CNTNAP5: variants seen among roughly 807,000 people sequenced by gnomAD.
The protein encoded by CNTNAP5 is contactin-associated protein-like 5.
Under a neutral mutation model 150.2 loss-of-function variants are expected in CNTNAP5, and 72 were observed. The observed-to-expected ratio is 0.48, with a 90% CI of 0.40 to 0.58. CNTNAP5 has a LOEUF of 0.58. Among genes scored for constraint, CNTNAP5 ranks in the 20% least tolerant of loss-of-function variants. The pLI is 0.00. For synonymous variants in CNTNAP5, 672 were observed against 619.8 expected, an observed-to-expected ratio of 1.08 and a Z score of -1.25; for missense variants, 1,636 against 1,626.2, an observed-to-expected ratio of 1.01 and a Z score of -0.10.
intron 19 of CNTNAP5, among the ~76,000 whole-genome samples, chr2:124,848,031 A>C (rs1478317699): frequency 6.6e-6 from 1 of 152,206 alleles, no homozygotes; most frequent in Non-Finnish European, 1.5e-5. Context: ...AATACATTCA[A>C]GATGTACAAT....
intron 3 of CNTNAP5, among the ~76,000 whole-genome samples, chr2:124,360,938 A>C (rs1690179874): frequency 1.4e-5 from 2 of 145,426 alleles, no homozygotes; most frequent in African/African-American, 5.2e-5. Flanking sequence ...CATCACTTTC[A>C]GGTACACCAA....
intron 1 of CNTNAP5, among the ~76,000 whole-genome samples, chr2:124,062,936 A>G: frequency 6.6e-6 from 1 of 152,138 alleles, no homozygotes; most frequent in East Asian, 1.9e-4. Flanking sequence ...AGAGTATATC[A>G]CATTCATTCA....
intron 3 of CNTNAP5, among the ~76,000 whole-genome samples, chr2:124,390,167 C>G (rs140829482): frequency 6.6e-6 from 1 of 152,106 alleles, no homozygotes; most frequent in Non-Finnish European, 1.5e-5. Flanking sequence ...GGGCTAGACC[C>G]TCTCCCTGGC....
chr2:124,655,999 A>AAAGAAAGAAGGAAGGAAGG (rs1317556643), intron 13 of CNTNAP5, among the ~76,000 whole-genome samples: 37 of 90,600 alleles, frequency 4.1e-4, no homozygotes, highest in South Asian at 2.0e-3. Flanking sequence ...AAGAAAGAAA[A>AAAGAAAGAAGGAAGGAAGG]AAGGAAGGAA....
At chr2:124,913,908 A>G (rs1370590348) in intron 23 of CNTNAP5, among the ~76,000 whole-genome samples, 184 bp from the exon 24 acceptor site, 3 of 152,082 alleles carry the variant, frequency 2.0e-5, no homozygotes, top group African/African-American at 7.2e-5. Flanking sequence ...GAGGTTTTAT[A>G]GTAATTGAAG....
chr2:124,536,711 AG>A (rs1695239113), intron 10 of CNTNAP5, among the ~76,000 whole-genome samples: 2 of 152,192 alleles, frequency 1.3e-5, no homozygotes, highest in African/African-American at 4.8e-5. Context: ...CGGGCCAGGG[AG>A]GGGGCTACAG....
intron 3 of CNTNAP5, among the ~76,000 whole-genome samples, chr2:124,387,164 C>A (rs1269272911): frequency 6.6e-6 from 1 of 152,162 alleles, no homozygotes; most frequent in African/African-American, 2.4e-5. Context: ...GAGGTAAGAA[C>A]CCCTGCCTCC....
At chr2:124,218,004 C>A (rs563198291) in intron 1 of CNTNAP5, among the ~76,000 whole-genome samples, 1 of 152,284 alleles carries the variant, frequency 6.6e-6, no homozygotes, top group South Asian at 2.1e-4. Flanking sequence ...ATGCTTTCCA[C>A]TAATGCAGCC....
chr2:124,589,672 G>A (rs571565271), intron 11 of CNTNAP5, among the ~76,000 whole-genome samples: 5 of 152,236 alleles, frequency 3.3e-5, no homozygotes, highest in Admixed American at 2.6e-4. Flanking sequence ...AATATCTTAC[G>A]TATTTATGGC....
chr2:124,503,012 T>A (rs910999297), intron 7 of CNTNAP5, among the ~76,000 whole-genome samples: 1 of 152,210 alleles, frequency 6.6e-6, no homozygotes, highest in African/African-American at 2.4e-5. Context: ...TGTATGTAAG[T>A]GCCTATCCTA....
At chr2:124,055,374 C>T (rs1003233880) in intron 1 of CNTNAP5, among the ~76,000 whole-genome samples, 2 of 152,158 alleles carry the variant, frequency 1.3e-5, no homozygotes, top group Non-Finnish European at 2.9e-5. Flanking sequence ...CAACCCCTTC[C>T]GCTGCTAAGT....
chr2:124,142,088 A>C (rs1684126418), intron 1 of CNTNAP5, among the ~76,000 whole-genome samples: 1 of 147,832 alleles, frequency 6.8e-6, no homozygotes. Context: ...AAGAGGCGCT[A>C]ACTATCCTAA....
chr2:124,124,978 A>G (rs1039516436), intron 1 of CNTNAP5, among the ~76,000 whole-genome samples: 4 of 152,238 alleles, frequency 2.6e-5, no homozygotes, highest in African/African-American at 4.8e-5. Context: ...TGTAAAGACC[A>G]TCAATGCTAG....
chr2:124,360,007 T>C (rs1214612664), intron 3 of CNTNAP5, among the ~76,000 whole-genome samples: 1 of 130,108 alleles, frequency 7.7e-6, no homozygotes, highest in Admixed American at 8.1e-5. Flanking sequence ...GGTTCATATA[T>C]ATTTAGGATA....
At chr2:124,870,047 T>C (rs1677712119) in intron 21 of CNTNAP5, among the ~76,000 whole-genome samples, 1 of 152,138 alleles carries the variant, frequency 6.6e-6, no homozygotes, top group South Asian at 2.1e-4. Context: ...TTTTAAGTTT[T>C]ACTTAATTTT....
chr2:124,140,432 C>A (rs1378218958), intron 1 of CNTNAP5, among the ~76,000 whole-genome samples: 6 of 133,056 alleles, frequency 4.5e-5, no homozygotes, highest in Admixed American at 2.4e-4. Flanking sequence ...CAGCACGCAG[C>A]TGGAGATCTG....
chr2:124,712,439 C>T (rs757968747), intron 13 of CNTNAP5, among the ~76,000 whole-genome samples: 7 of 152,184 alleles, frequency 4.6e-5, no homozygotes, highest in Non-Finnish European at 8.8e-5. Flanking sequence ...ATCCAAGCTG[C>T]CTGATTTGGA....
intron 13 of CNTNAP5, among the ~76,000 whole-genome samples, chr2:124,665,235 G>A (rs1181402241): frequency 2.0e-5 from 3 of 152,082 alleles, no homozygotes; most frequent in African/African-American, 4.8e-5. Flanking sequence ...CTTAATGCAT[G>A]GCACACCAAA....
intron 12 of CNTNAP5, among the ~76,000 whole-genome samples, chr2:124,624,008 G>C (rs536690704): frequency 1.3e-5 from 2 of 152,256 alleles, no homozygotes; most frequent in African/African-American, 4.8e-5. Context: ...TCTCTCTAAT[G>C]GGTTTATGAT....
Sources: allele counts gnomAD v4.1 joint callset (sites outside exome capture counted in the v4.1 genomes callset), GRCh38; gene constraint gnomAD v4.1.1; transcripts MANE v1.5; gene names NCBI Gene and HGNC (gene_info 2026-07-23, HGNC 2026-07-21).